The following FRMPD1 variants were observed in gnomAD, a reference collection of about 807,000 sequenced individuals.
The protein encoded by FRMPD1 is FERM and PDZ domain-containing protein 1.
FRMPD1 carries 76 observed loss-of-function variants against 117.8 expected under a neutral mutation model. The ratio of observed to expected loss-of-function variants is 0.65; its 90% CI spans 0.54 to 0.78. The LOEUF is 0.78. Ranked by LOEUF, FRMPD1 falls within the 30% of genes least tolerant of loss-of-function variation. The probability of loss-of-function intolerance (pLI) is 0.00; values close to 1 mark genes in which losing one functional copy is unlikely to be tolerated. For synonymous variants in FRMPD1, 783 were observed against 770.4 expected (o/e 1.02, Z -0.27); for missense variants, 1,786 against 1,964.5 (o/e 0.91, Z 1.72).
chr9:37,655,123 T>A (rs1820801277), intron 1 of FRMPD1, among the ~76,000 whole-genome samples: 1 of 152,088 alleles, frequency 6.6e-6, no homozygotes, highest in South Asian at 2.1e-4. Context: ...CATCATCCCC[T>A]CCTCCTCCCA....
chr9:37,686,286 A>T (rs1443125221), intron 1 of FRMPD1, among the ~76,000 whole-genome samples: 1 of 152,254 alleles, frequency 6.6e-6, no homozygotes, highest in African/African-American at 2.4e-5. Flanking sequence ...GCCAGAGGGC[A>T]GCATTGGTGT....
chr9:37,715,223 AT>A (rs1458820571), intron 5 of FRMPD1, among the ~76,000 whole-genome samples: 1 of 152,164 alleles, frequency 6.6e-6, no homozygotes, highest in Non-Finnish European at 1.5e-5. Context: ...TTATTGTCTT[AT>A]TTAATTTGCA....
chr9:37,724,209 C>T lies in FRMPD1; in HGVS notation c.517-16C>T, dbSNP rs111582728. The T allele has an allele frequency of 4.5e-4, 618 of 1,366,062 alleles. 2 individuals carry two copies. In the African/African-American group the frequency reaches 7.8e-3, roughly 17 times the overall value. 84.6% of individuals were successfully genotyped at this position (1,366,062 alleles called of 1,614,324 possible). A position where few individuals can be genotyped will look rare whatever the true frequency, so the allele number is the denominator to read the frequency against. ...AAAAAAAGACAGGGATACAACAATA[C>T]TCTTGTGTTTTCCAGGGTAATTCTC... On this transcript the variant is annotated splice_polypyrimidine_tract_variant and intron_variant, in intron 6 of 15. Coordinates refer to ENST00000377765, the MANE Select transcript of FRMPD1 (RefSeq NM_014907.3).
chr9:37,620,679 A>G, the FRMPD1 span, among the ~76,000 whole-genome samples: 1 of 151,768 alleles, frequency 6.6e-6, no homozygotes, highest in Non-Finnish European at 1.5e-5. Context: ...TATCCTTTTC[A>G]TGTGTCTGTA....
At chr9:37,712,583 T>C (rs1822950283) in intron 5 of FRMPD1, among the ~76,000 whole-genome samples, 1 of 152,224 alleles carries the variant, frequency 6.6e-6, no homozygotes, top group East Asian at 1.9e-4. Context: ...CTTGAACTCC[T>C]GACCTCAGGT....
At chr9:37,679,679 T>TA (rs1324810229) in intron 1 of FRMPD1, among the ~76,000 whole-genome samples, 1 of 152,194 alleles carries the variant, frequency 6.6e-6, no homozygotes, top group Non-Finnish European at 1.5e-5. Context: ...ATTTTATCCA[T>TA]ATGTAACTCT....
At chr9:37,656,715 A>C (rs1820853665) in intron 1 of FRMPD1, among the ~76,000 whole-genome samples, 1 of 151,658 alleles carries the variant, frequency 6.6e-6, no homozygotes, top group Admixed American at 6.6e-5. Context: ...TCAGTTAACT[A>C]TCTGCCTGAA....
chr9:37,734,776 C>T (rs1458429930), intron 12 of FRMPD1, among the ~76,000 whole-genome samples: 1 of 152,046 alleles, frequency 6.6e-6, no homozygotes, highest in Non-Finnish European at 1.5e-5. Context: ...CAGATGGATT[C>T]TTCGTTTAAG....
At chr9:37,608,212 G>T in the FRMPD1 span, among the ~76,000 whole-genome samples, 1 of 152,130 alleles carries the variant, frequency 6.6e-6, no homozygotes, top group Non-Finnish European at 1.5e-5. Flanking sequence ...CCTTTTCAAA[G>T]CTTGACATAA....
At chr9:37,635,742 G>A in the FRMPD1 span, among the ~76,000 whole-genome samples, 1 of 152,210 alleles carries the variant, frequency 6.6e-6, no homozygotes, top group Non-Finnish European at 1.5e-5. Context: ...AGGATCCTGG[G>A]TGCAGAGTGG....
chr9:37,683,267 AC>A (rs1821793141), intron 1 of FRMPD1, among the ~76,000 whole-genome samples: 1 of 152,158 alleles, frequency 6.6e-6, no homozygotes, highest in African/African-American at 2.4e-5. Context: ...TCTACTTCAA[AC>A]TTTTGCCACA....
At chr9:37,734,959 G>A (rs576959617) in intron 12 of FRMPD1, among the ~76,000 whole-genome samples, 18 of 152,318 alleles carry the variant, frequency 1.2e-4, no homozygotes, top group Middle Eastern at 3.4e-3. Context: ...GGTAGTGGGA[G>A]AAGCAACCAG....
chr9:37,629,219 C>G, the FRMPD1 span, among the ~76,000 whole-genome samples: 1 of 152,068 alleles, frequency 6.6e-6, no homozygotes, highest in East Asian at 1.9e-4. Flanking sequence ...AGAAATTCTA[C>G]TACATCAGAA....
At chr9:37,720,851 C>T (rs1046828289) in intron 6 of FRMPD1, among the ~76,000 whole-genome samples, 36 of 152,350 alleles carry the variant, frequency 2.4e-4, no homozygotes, top group African/African-American at 8.2e-4. Context: ...TGCGCCACTG[C>T]GCTTCAGCCT....
chr9:37,709,546 C>G (rs974600360), intron 4 of FRMPD1, among the ~76,000 whole-genome samples: 2 of 151,368 alleles, frequency 1.3e-5, no homozygotes, highest in African/African-American at 4.9e-5. Context: ...CAGAACAAGA[C>G]TCCATCTCAA....
intron 12 of FRMPD1, among the ~76,000 whole-genome samples, chr9:37,734,050 C>T (rs922696622): frequency 6.6e-5 from 10 of 152,124 alleles, no homozygotes; most frequent in South Asian, 2.1e-4. Flanking sequence ...ATGTGATTTC[C>T]GTCCTTGAAG....
chr9:37,741,625 C>A (rs1824427152), intron 15 of FRMPD1, among the ~76,000 whole-genome samples: 1 of 152,178 alleles, frequency 6.6e-6, no homozygotes, highest in Non-Finnish European at 1.5e-5. Context: ...ATTCCCAGAC[C>A]TCCTGTGCTC....
At chr9:37,675,001 T>C (rs1251818644) in intron 1 of FRMPD1, among the ~76,000 whole-genome samples, 1 of 151,854 alleles carries the variant, frequency 6.6e-6, no homozygotes, top group Admixed American at 6.6e-5. Flanking sequence ...CATTATAGAG[T>C]TGTATACAGG....
At chr9:37,650,831 G>C (rs1182297320), upstream of FRMPD1, among the ~76,000 whole-genome samples, 1 of 148,824 alleles carries the variant, frequency 6.7e-6, no homozygotes. Flanking sequence ...TCCTCCCCCG[G>C]GGCGGGGGTC....
Sources: gnomAD v4.1 joint callset for allele counts (sites outside exome capture counted in the v4.1 genomes callset) on GRCh38, gnomAD v4.1.1 for gene constraint, MANE v1.5 for transcripts, NCBI Gene and HGNC (gene_info 2026-07-23, HGNC 2026-07-21) for gene names.